ITPKB: variants seen among roughly 807,000 people sequenced by gnomAD.
The protein encoded by ITPKB is IP3 3-kinase B.
In ITPKB, 13 loss-of-function variants were observed where a neutral mutation model predicts 69.4. The observed-to-expected ratio is 0.19, with a 90% CI of 0.12 to 0.30. The LOEUF (loss-of-function observed/expected upper bound fraction) is 0.30. Among genes scored for constraint, ITPKB ranks in the 10% least tolerant of loss-of-function variants. The pLI, the probability that ITPKB is intolerant of heterozygous loss-of-function variation, is 1.00. For missense variants in ITPKB, 1,240 were observed against 1,250.5 expected (o/e 0.99, Z 0.13); for synonymous variants, 584 against 513.7 (o/e 1.14, Z -1.85).
At chr1:226,693,351 G>T (rs1461148919) in intron 2 of ITPKB, among the ~76,000 whole-genome samples, 3 of 152,176 alleles carry the variant, frequency 2.0e-5, no homozygotes, top group Non-Finnish European at 4.4e-5. Flanking sequence ...GCGATGATGG[G>T]CAGCTCTTTG....
intron 2 of ITPKB, among the ~76,000 whole-genome samples, chr1:226,688,107 G>A (rs1203982560): frequency 6.6e-6 from 1 of 152,124 alleles, no homozygotes; most frequent in Non-Finnish European, 1.5e-5. Flanking sequence ...AAAACAAATG[G>A]GCTTAGCACT....
chr1:226,682,178 G>A (rs567124758), intron 2 of ITPKB, among the ~76,000 whole-genome samples: 12 of 152,026 alleles, frequency 7.9e-5, no homozygotes, highest in South Asian at 2.1e-4. Flanking sequence ...CCCCCGCCCC[G>A]AGATTCTGGC....
chr1:226,639,865 G>A (rs754535627), intron 5 of ITPKB, among the ~76,000 whole-genome samples: 4 of 152,192 alleles, frequency 2.6e-5, no homozygotes, highest in South Asian at 4.1e-4. Context: ...ACAGGAGAAC[G>A]CAGAGGGTGG....
intron 2 of ITPKB, among the ~76,000 whole-genome samples, chr1:226,713,111 T>C (rs561598700): frequency 6.6e-6 from 1 of 152,138 alleles, no homozygotes; most frequent in Admixed American, 6.5e-5. Context: ...TACACACATA[T>C]ACACACACAT....
intron 4 of ITPKB, among the ~76,000 whole-genome samples, chr1:226,646,457 G>A (rs1669064406): frequency 6.6e-6 from 1 of 152,038 alleles, no homozygotes; most frequent in African/African-American, 2.4e-5. Flanking sequence ...GCCTCCTCAA[G>A]CCCCCTCTTC....
Position 226,736,920 on chromosome 1 carries a change from A to C in ITPKB, c.539T>G (p.Phe180Cys). 1 of 1,609,928 alleles carries C rather than the reference A, an allele frequency of 6.2e-7. No individual in the cohort carries two copies. Among genetic ancestry groups the C allele is most frequent in the Non-Finnish European group, 8.5e-7 (1 of 1,179,458 alleles). ...TCCAGGGGGCTGACTGCTGCTGCGGAAGGGGCACGGGGAGGGCGAGCGAGC... is the reference window on the plus strand; with the variant it reads ...TCCAGGGGGCTGACTGCTGCTGCGGCAGGGGCACGGGGAGGGCGAGCGAGC... ...GRARSPSPCP[F>C]RSSSQPPGRV... is the part of the protein sequence containing the mutation. The change falls in exon 2 of 8, where the codon TTC becomes TGC. Residue 180 changes from phenylalanine to cysteine, a missense_variant. Coordinates refer to ENST00000429204, the MANE Select transcript of ITPKB (RefSeq NM_002221.4).
chr1:226,658,559 C>A (rs1476259660), intron 2 of ITPKB, among the ~76,000 whole-genome samples: 1 of 152,146 alleles, frequency 6.6e-6, no homozygotes, highest in Non-Finnish European at 1.5e-5. Context: ...AACTGCCTTT[C>A]CCCCTTTAAC....
chr1:226,701,470 G>A (rs979967732), intron 2 of ITPKB, among the ~76,000 whole-genome samples: 1 of 151,588 alleles, frequency 6.6e-6, no homozygotes, highest in East Asian at 1.9e-4. Context: ...CGGGCGTGGT[G>A]GTGGGCGCCT....
Position 226,642,514 on chromosome 1 carries a change from C to T in ITPKB, c.2247-389G>A, listed in dbSNP as rs1317948611. Among the ~76,000 whole-genome samples the T allele has an allele frequency of 1.3e-5, 2 of 152,032 alleles. No individual in the cohort carries two copies. The highest frequency in any genetic ancestry group is 6.5e-5 in the Admixed American group (1 of 15,272). ...GAGAAAAGGTGCAGCCTCACTGAATCGGACTGCCTTCACTTTCACTCCAAG... is the reference window on the plus strand; with the variant it reads ...GAGAAAAGGTGCAGCCTCACTGAATTGGACTGCCTTCACTTTCACTCCAAG... On this transcript the variant is annotated intron_variant, in intron 4 of 7. Coordinates refer to ENST00000429204, the MANE Select transcript of ITPKB (RefSeq NM_002221.4). The surrounding 1 kb of genome is among the most constrained non-coding windows in gnomAD (Gnocchi z 6.4).
At chr1:226,721,658 G>A (rs2102643958) in intron 2 of ITPKB, among the ~76,000 whole-genome samples, 1 of 151,846 alleles carries the variant, frequency 6.6e-6, no homozygotes, top group South Asian at 2.1e-4. Context: ...ACCACGCCTG[G>A]CTAATATTTT....
At chr1:226,635,017 C>A (rs1668802649) in intron 7 of ITPKB, 131 bp from the exon 8 acceptor site, 1 of 662,420 alleles carries the variant, frequency 1.5e-6, no homozygotes. Context: ...AATTCCAATC[C>A]CCATTTTCAG....
At chr1:226,701,056 A>G (rs1039205360) in intron 2 of ITPKB, among the ~76,000 whole-genome samples, 2 of 152,208 alleles carry the variant, frequency 1.3e-5, no homozygotes, top group African/African-American at 4.8e-5. Flanking sequence ...GACTTCTCAC[A>G]ATGTCCCAGC....
chr1:226,646,903 C>T (rs181017888), intron 4 of ITPKB, among the ~76,000 whole-genome samples: 24 of 152,356 alleles, frequency 1.6e-4, no homozygotes, highest in Non-Finnish European at 2.4e-4. Flanking sequence ...AGAACCCAGC[C>T]GGTGCCCTTT....
At chr1:226,702,101 A>C (rs1161202138) in intron 2 of ITPKB, among the ~76,000 whole-genome samples, 1 of 152,162 alleles carries the variant, frequency 6.6e-6, no homozygotes, top group African/African-American at 2.4e-5. Flanking sequence ...CCCCCAAGAG[A>C]AAAGTTCAAC....
In ITPKB at chr1:226,639,698, G is replaced by C. The variant is rs1338788309; in HGVS notation, c.2452-40C>G. 5 of 1,343,536 alleles carry C rather than the reference G, an allele frequency of 3.7e-6. No homozygotes were observed. The African/African-American group carries it at 5.7e-5, about 15-fold the overall frequency. The allele number at this position is 1,343,536 out of a possible 1,614,324, so 83.2% of individuals were successfully genotyped here. A position where few individuals can be genotyped will look rare whatever the true frequency, so the allele number is the denominator to read the frequency against. ...ACCCCACCCAGGAGGGGGTCAGCAG[G>C]GACCCTCGGGCAGAAACTGTTCTCA... On this transcript the variant is annotated intron_variant, in intron 5 of 7. Coordinates refer to ENST00000429204, the MANE Select transcript of ITPKB (RefSeq NM_002221.4).
chr1:226,658,203 T>C (rs1034279205), intron 2 of ITPKB, among the ~76,000 whole-genome samples: 10 of 152,244 alleles, frequency 6.6e-5, no homozygotes, highest in African/African-American at 2.4e-4. Context: ...CTAGTGATCA[T>C]TATTTCCTTC....
chr1:226,682,237 C>G (rs981642218), intron 2 of ITPKB, among the ~76,000 whole-genome samples: 1 of 152,090 alleles, frequency 6.6e-6, no homozygotes, highest in Admixed American at 6.6e-5. Context: ...TTGTTAAGCT[C>G]CCACATGTTT....
At chr1:226,694,578 C>T (rs193222912) in intron 2 of ITPKB, among the ~76,000 whole-genome samples, 1 of 152,306 alleles carries the variant, frequency 6.6e-6, no homozygotes, top group African/African-American at 2.4e-5. Context: ...AGTCAAGGAG[C>T]TAGGTATTAT....
chr1:226,688,349 GA>G (rs1328281860), intron 2 of ITPKB, among the ~76,000 whole-genome samples: 1 of 152,100 alleles, frequency 6.6e-6, no homozygotes, highest in Non-Finnish European at 1.5e-5. Context: ...GCTGTTCCGG[GA>G]AACTCAGAAT....
Sources: allele counts gnomAD v4.1 joint callset (sites outside exome capture counted in the v4.1 genomes callset), GRCh38; gene constraint gnomAD v4.1.1; non-coding constraint Gnocchi (gnomAD v3.1); transcripts MANE v1.5; gene names NCBI Gene and HGNC (gene_info 2026-07-23, HGNC 2026-07-21).